The following ADAMTS16 variants were observed in gnomAD, a reference collection of about 807,000 sequenced individuals.
ADAMTS16 encodes A disintegrin and metalloproteinase with thrombospondin motifs 16.
In ADAMTS16, 94 loss-of-function variants were observed where a neutral mutation model predicts 145.8. The observed-to-expected ratio is 0.64, with a 90% CI of 0.55 to 0.77. The LOEUF is 0.77. ADAMTS16 is among the 30% of genes least tolerant of loss of function. ADAMTS16 has a pLI of 0.00. For missense variants in ADAMTS16, 1,585 were observed against 1,591.5 expected, an observed-to-expected ratio of 1.00 and a Z score of 0.07; for synonymous variants, 659 against 604.3, an observed-to-expected ratio of 1.09 and a Z score of -1.33.
intron 18 of ADAMTS16, among the ~76,000 whole-genome samples, chr5:5,285,643 AC>A (rs1739077270): frequency 6.6e-6 from 1 of 152,200 alleles, no homozygotes; most frequent in Non-Finnish European, 1.5e-5. Flanking sequence ...TATTATAGGA[AC>A]TCTGTAAACT....
At chr5:5,208,743 G>A (rs1222494310) in intron 9 of ADAMTS16, among the ~76,000 whole-genome samples, 2 of 152,184 alleles carry the variant, frequency 1.3e-5, no homozygotes, top group Middle Eastern at 3.2e-3. Flanking sequence ...GGTTGATTCT[G>A]CCAAGAAGTG....
chr5:5,191,604 C>T, intron 7 of ADAMTS16, 81 bp from the exon 8 acceptor site: 2 of 1,177,136 alleles, frequency 1.7e-6, no homozygotes. Context: ...CTAAATTTCA[C>T]TAAGGGGTAG....
At chr5:5,239,032 C>G (rs1376094885) in intron 14 of ADAMTS16, 119 bp from the exon 15 acceptor site, 1 of 1,133,668 alleles carries the variant, frequency 8.8e-7, no homozygotes, top group Admixed American at 2.9e-5. Context: ...TGTTAACTAC[C>G]CTATGTTGGT....
rs866096439 is a variant in ADAMTS16 at position 5,220,401 on chromosome 5, G to A, written c.1606-2388G>A. ...TCTCGATCTCCTGACCTCGTGATCC[G>A]CCCGCCTCGGCCTCCCAAAGTGCTG... On this transcript the variant is annotated intron_variant, in intron 10 of 22. Transcript: ENST00000274181. Among the ~76,000 whole-genome samples the A allele has an allele frequency of 4.6e-4, 69 of 151,306 alleles. 1 individual carries two copies. The highest frequency in any genetic ancestry group is 8.5e-4 in the African/African-American group (35 of 41,356).
At chr5:5,315,097 A>G (rs1184305970) in intron 21 of ADAMTS16, among the ~76,000 whole-genome samples, 1 of 152,168 alleles carries the variant, frequency 6.6e-6, no homozygotes, top group Non-Finnish European at 1.5e-5. Flanking sequence ...GAAACTTACA[A>G]TCATGGTGGA....
intron 3 of ADAMTS16, among the ~76,000 whole-genome samples, chr5:5,174,494 T>C (rs1181378113): frequency 1.3e-5 from 2 of 152,206 alleles, no homozygotes; most frequent in Non-Finnish European, 2.9e-5. Context: ...TTGATATTTT[T>C]CTTTAGGTTT....
At chr5:5,275,264 AT>A (rs1007418382) in intron 18 of ADAMTS16, among the ~76,000 whole-genome samples, 1 of 152,032 alleles carries the variant, frequency 6.6e-6, no homozygotes, top group Admixed American at 6.6e-5. Context: ...TTCAGGGTAC[AT>A]TTTTTTCTGT....
chr5:5,238,441 C>A (rs1012482539), intron 14 of ADAMTS16, among the ~76,000 whole-genome samples: 2 of 152,098 alleles, frequency 1.3e-5, no homozygotes, highest in South Asian at 2.1e-4. Context: ...GCATTTCATA[C>A]GTCACCTTTT....
chr5:5,171,998 G>C (rs1473094787), intron 3 of ADAMTS16, among the ~76,000 whole-genome samples: 2 of 152,080 alleles, frequency 1.3e-5, no homozygotes, highest in African/African-American at 4.8e-5. Context: ...AACTTTGGTA[G>C]TTTGTATGTG....
chr5:5,252,213 T>C (rs1737651988), intron 17 of ADAMTS16, among the ~76,000 whole-genome samples: 1 of 152,142 alleles, frequency 6.6e-6, no homozygotes, highest in Non-Finnish European at 1.5e-5. Context: ...TCCATTGTGT[T>C]TTCACCAGGG....
chr5:5,176,332 G>A (rs1178086523), intron 3 of ADAMTS16: 1 of 152,206 alleles, frequency 6.6e-6, no homozygotes, highest in Non-Finnish European at 1.5e-5. Context: ...ACCCCTGACA[G>A]AGGATCACCT....
chr5:5,206,251 C>T (rs1045810107), intron 9 of ADAMTS16, among the ~76,000 whole-genome samples: 1 of 147,446 alleles, frequency 6.8e-6, no homozygotes, highest in Non-Finnish European at 1.5e-5. Context: ...ACGGTGAAAC[C>T]CCGTCTCTAC....
intron 4 of ADAMTS16, among the ~76,000 whole-genome samples, chr5:5,182,963 C>T (rs1010062115): frequency 1.3e-5 from 2 of 152,204 alleles, no homozygotes; most frequent in African/African-American, 4.8e-5. Flanking sequence ...CCCCTCTCCC[C>T]CTGCCCATTG....
chr5:5,264,847 G>C (rs1474620867), intron 18 of ADAMTS16, among the ~76,000 whole-genome samples: 1 of 152,198 alleles, frequency 6.6e-6, no homozygotes, highest in Non-Finnish European at 1.5e-5. Context: ...CCCTCTGGGG[G>C]ACCTTCCCAG....
chr5:5,202,875 A>G (rs888343167), intron 9 of ADAMTS16, among the ~76,000 whole-genome samples: 2 of 152,238 alleles, frequency 1.3e-5, no homozygotes, highest in Non-Finnish European at 2.9e-5. Context: ...AGACTCATGG[A>G]AAGAAGATAA....
At chr5:5,192,189 G>A (rs1385081198) in intron 8 of ADAMTS16, among the ~76,000 whole-genome samples, 3 of 152,122 alleles carry the variant, frequency 2.0e-5, no homozygotes, top group Non-Finnish European at 2.9e-5. Context: ...TCGCCGTGTT[G>A]CTCAGGCTGT....
chr5:5,169,329 C>A (rs1276012884), intron 3 of ADAMTS16, among the ~76,000 whole-genome samples: 2 of 152,194 alleles, frequency 1.3e-5, no homozygotes, highest in South Asian at 4.2e-4. Context: ...TCACAGAAGG[C>A]CCCTCCAGTT....
intron 10 of ADAMTS16, among the ~76,000 whole-genome samples, chr5:5,218,634 G>A (rs1736502905): frequency 1.3e-5 from 2 of 152,222 alleles, no homozygotes; most frequent in Admixed American, 6.5e-5. Context: ...CTCTTTCCCA[G>A]TGTACTGGAA....
intron 18 of ADAMTS16, among the ~76,000 whole-genome samples, chr5:5,302,010 AATC>A (rs1739798846): frequency 6.6e-6 from 1 of 152,186 alleles, no homozygotes; most frequent in South Asian, 2.1e-4. Flanking sequence ...CATGAATGGA[AATC>A]ATCAAGTCCT....
Sources: allele counts gnomAD v4.1 joint callset (sites outside exome capture counted in the v4.1 genomes callset), GRCh38; gene constraint gnomAD v4.1.1; transcripts MANE v1.5; gene names NCBI Gene and HGNC (gene_info 2026-07-23, HGNC 2026-07-21).